Variants in SSH2 observed in about 807,000 individuals in gnomAD.
SSH2 encodes the protein protein phosphatase Slingshot homolog 2.
A neutral mutation model predicts 135.2 loss-of-function variants in SSH2; 37 were observed. The observed-to-expected ratio is 0.27, with a 90% CI of 0.21 to 0.36. The LOEUF is 0.36. SSH2 is among the 10% of genes least tolerant of loss of function. SSH2 has a pLI of 1.00. For synonymous variants in SSH2, 628 were observed against 646.2 expected (o/e 0.97, Z 0.43); for missense variants, 1,408 against 1,765.3 (o/e 0.80, Z 3.63).
chr17:29,755,097 C>T (rs2041071327), intron 3 of SSH2, among the ~76,000 whole-genome samples: 1 of 152,220 alleles, frequency 6.6e-6, no homozygotes, highest in African/African-American at 2.4e-5. Context: ...TGCTTAGTGA[C>T]TACTTCCCAG....
intron 3 of SSH2, among the ~76,000 whole-genome samples, chr17:29,769,336 T>C (rs964690446): frequency 4.6e-5 from 7 of 152,202 alleles, no homozygotes; most frequent in African/African-American, 1.7e-4. Context: ...CTTAAATACC[T>C]ACCTGACTGC....
chr17:29,745,636 T>A (rs1392640901), intron 3 of SSH2, among the ~76,000 whole-genome samples: 1 of 152,236 alleles, frequency 6.6e-6, no homozygotes, highest in Admixed American at 6.5e-5. Context: ...TATCTCTTAC[T>A]TCTTACACAG....
rs73280644 is a variant in SSH2, at chr17:29,672,360, C to T, written c.615-231G>A. Among the ~76,000 whole-genome samples, 467 of 152,126 alleles carry T rather than the reference C, an allele frequency of 3.1e-3. 5 individuals are homozygous for T. The highest frequency in any genetic ancestry group is 9.9e-3 in the African/African-American group (411 of 41,510). ...ATGCATCATTAAGGTAGGGAGAAGG[C>T]GGGGAAGGACAGCTGACAACTCACC... On this transcript the variant is annotated intron_variant, in intron 8 of 15. Transcript: ENST00000540801.
chr17:29,801,753 T>C (rs932080061), intron 2 of SSH2, among the ~76,000 whole-genome samples: 2 of 152,208 alleles, frequency 1.3e-5, no homozygotes, highest in African/African-American at 4.8e-5. Context: ...TTTAGCACAA[T>C]GCCCTATGTG....
At chr17:29,791,076 TTTA>T (rs767692678) in intron 3 of SSH2, among the ~76,000 whole-genome samples, 1 of 150,918 alleles carries the variant, frequency 6.6e-6, no homozygotes, top group Non-Finnish European at 1.5e-5. Flanking sequence ...TTGGTTAAGA[TTTA>T]TTATTATTAT....
At chr17:29,843,425 T>C (rs968717141) in intron 2 of SSH2, among the ~76,000 whole-genome samples, 1 of 151,946 alleles carries the variant, frequency 6.6e-6, no homozygotes. Context: ...GCATGGGTGG[T>C]GCATGCCTGT....
chr17:29,747,711 T>C (rs1427549135), intron 3 of SSH2, among the ~76,000 whole-genome samples: 2 of 152,240 alleles, frequency 1.3e-5, no homozygotes, highest in Non-Finnish European at 2.9e-5. Flanking sequence ...TTAGAAATTG[T>C]AAAGTATGTG....
chr17:29,905,113 T>C (rs993339075), intron 1 of SSH2, among the ~76,000 whole-genome samples: 1 of 152,106 alleles, frequency 6.6e-6, no homozygotes, highest in African/African-American at 2.4e-5. Context: ...TAAACTATCA[T>C]TGACATTCTT....
At chr17:29,917,437 T>G (rs550161901) in intron 1 of SSH2, among the ~76,000 whole-genome samples, 1 of 152,298 alleles carries the variant, frequency 6.6e-6, no homozygotes, top group South Asian at 2.1e-4. Flanking sequence ...TTAAACATGC[T>G]TAGTTTATAG....
At chr17:29,722,325 T>C (rs1380152007) in intron 3 of SSH2, among the ~76,000 whole-genome samples, 1 of 151,126 alleles carries the variant, frequency 6.6e-6, no homozygotes, top group African/African-American at 2.4e-5. Flanking sequence ...TTTCTAAATA[T>C]TAAAAAAATC....
At chr17:29,679,179 C>T (rs1224464603) in intron 6 of SSH2, among the ~76,000 whole-genome samples, 2 of 152,140 alleles carry the variant, frequency 1.3e-5, no homozygotes, top group Non-Finnish European at 2.9e-5. Flanking sequence ...CTTAACGCTG[C>T]TGTAACTGCT....
At chr17:29,859,832 T>C (rs1451700324) in intron 1 of SSH2, among the ~76,000 whole-genome samples, 3 of 152,114 alleles carry the variant, frequency 2.0e-5, no homozygotes, top group African/African-American at 2.4e-5. Context: ...TTGGGTCGAA[T>C]GGTAGCTCTG....
chr17:29,896,978 A>T (rs2066457437), intron 1 of SSH2, among the ~76,000 whole-genome samples: 1 of 151,954 alleles, frequency 6.6e-6, no homozygotes, highest in South Asian at 2.1e-4. Context: ...AGGGTGACAA[A>T]AATACTACTG....
intron 12 of SSH2, among the ~76,000 whole-genome samples, chr17:29,654,020 G>A (rs1467369027): frequency 6.6e-6 from 1 of 152,170 alleles, no homozygotes; most frequent in Non-Finnish European, 1.5e-5. Flanking sequence ...GAATTATGGG[G>A]TCCTTATGCT....
intron 1 of SSH2, among the ~76,000 whole-genome samples, chr17:29,915,593 C>T (rs2151479780): frequency 6.6e-6 from 1 of 152,252 alleles, no homozygotes; most frequent in South Asian, 2.1e-4. Flanking sequence ...TATTGAAAAA[C>T]AGTCAATGGA....
intron 1 of SSH2, among the ~76,000 whole-genome samples, chr17:29,868,506 G>A (rs1387001933): frequency 1.3e-5 from 2 of 152,148 alleles, no homozygotes; most frequent in African/African-American, 2.4e-5. Flanking sequence ...GGGAGGCCGA[G>A]GCGGGCAGAT....
intron 1 of SSH2, among the ~76,000 whole-genome samples, chr17:29,879,140 C>T (rs576034323): frequency 1.3e-5 from 2 of 152,034 alleles, no homozygotes; most frequent in East Asian, 3.9e-4. Flanking sequence ...ATATGATGAC[C>T]ATATTTTCCC....
intron 3 of SSH2, among the ~76,000 whole-genome samples, chr17:29,783,466 A>G (rs746601618): frequency 7.2e-5 from 11 of 151,918 alleles, no homozygotes; most frequent in Non-Finnish European, 1.5e-4. Flanking sequence ...TTGCAGTCCA[A>G]TGTTTGAGGG....
At chr17:29,758,597 C>T (rs936221055) in intron 3 of SSH2, among the ~76,000 whole-genome samples, 4 of 151,926 alleles carry the variant, frequency 2.6e-5, no homozygotes, top group Non-Finnish European at 4.4e-5. Flanking sequence ...CCACTGTATC[C>T]CCATTTGACA....
Sources: gnomAD v4.1 joint callset for allele counts (sites outside exome capture counted in the v4.1 genomes callset) on GRCh38, gnomAD v4.1.1 for gene constraint, MANE v1.5 for transcripts, NCBI Gene and HGNC (gene_info 2026-07-23, HGNC 2026-07-21) for gene names.